The following TTPA variants were observed in gnomAD, a reference collection of about 807,000 sequenced individuals.
The protein encoded by TTPA is alpha tocopherol transfer protein.
Under a neutral mutation model 25.9 loss-of-function variants are expected in TTPA, and 23 were observed. The ratio of observed to expected loss-of-function variants is 0.89; its 90% CI spans 0.64 to 1.26. The LOEUF (loss-of-function observed/expected upper bound fraction) is 1.26, where lower values mean the gene tolerates loss of function less well. Ranked by LOEUF, TTPA falls within the 50% of genes most tolerant of loss-of-function variation. The probability of loss-of-function intolerance (pLI) is 0.00; values close to 1 mark genes in which losing one functional copy is unlikely to be tolerated. For synonymous variants in TTPA, 148 were observed against 137.3 expected, an observed-to-expected ratio of 1.08 and a Z score of -0.54; for missense variants, 337 against 353.1, an observed-to-expected ratio of 0.95 and a Z score of 0.37.
At position 63,060,657 on chromosome 8, in the gene TTPA, G is replaced by C. The variant is rs760669854; in HGVS notation, c.*595C>G. 38 of 144,080 alleles carry C rather than the reference G, an allele frequency of 2.6e-4. No homozygotes were observed. The highest frequency in any genetic ancestry group is 5.1e-4 in the Non-Finnish European group (35 of 68,880). 8.9% of individuals were successfully genotyped at this position (144,080 alleles called of 1,614,324 possible). A position where few individuals can be genotyped will look rare whatever the true frequency, so the allele number is the denominator to read the frequency against. Reference sequence around the variant, plus strand: ...CTACTGCACTCTAGCCTGGGCGACAGAGCAAGACTCTGTCTGAAAAAAAAA... The same window carrying C: ...CTACTGCACTCTAGCCTGGGCGACACAGCAAGACTCTGTCTGAAAAAAAAA... On this transcript the variant is annotated 3_prime_UTR_variant, in exon 5 of 5. Transcript: ENST00000260116.
intron 2 of TTPA, among the ~76,000 whole-genome samples, chr8:63,070,834 G>A (rs1563362775): frequency 6.6e-6 from 1 of 152,148 alleles, no homozygotes; most frequent in Admixed American, 6.5e-5. Flanking sequence ...ATAATTAGCT[G>A]CAGGTTTCAG....
At chr8:63,058,577 T>C (rs1563677115), downstream of TTPA, among the ~76,000 whole-genome samples, 1 of 152,220 alleles carries the variant, frequency 6.6e-6, no homozygotes, top group South Asian at 2.1e-4. Flanking sequence ...TGACACTTTA[T>C]TAATTTGACC....
In TTPA at chr8:63,082,394, G is replaced by A. The variant is rs1485672787; in HGVS notation, c.204+3424C>T. On this transcript the variant is annotated intron_variant, in intron 1 of 4. Coordinates refer to ENST00000260116, the MANE Select transcript of TTPA (RefSeq NM_000370.3). The stretch of plus-strand genomic sequence containing the variant: ...CTGACAAAAACAAAAAATGGGGAAA[G>A]GATTCCCTATTTAATAAATGGCGCT... 3.9e-5 allele frequency among the ~76,000 whole-genome samples: 6 copies of A among 152,136 alleles called. No homozygotes were observed. The South Asian group carries it at 8.3e-4, about 21-fold the overall frequency.
chr8:63,069,074 G>T (rs751401157), intron 2 of TTPA, among the ~76,000 whole-genome samples: 6 of 152,056 alleles, frequency 3.9e-5, no homozygotes, highest in Admixed American at 6.5e-5. Context: ...AGAATCGCTT[G>T]AACTCGGGAG....
chr8:63,079,096 T>C lies in TTPA; in HGVS notation c.205-6008A>G, dbSNP rs533864479. On this transcript the variant is annotated intron_variant, in intron 1 of 4. Transcript: ENST00000260116. ...TCATATCCAGCCAAACTAAGCTTCATAAGTGAAGGAGAAATAAAATTCTTT... is the reference window on the plus strand; with the variant it reads ...TCATATCCAGCCAAACTAAGCTTCACAAGTGAAGGAGAAATAAAATTCTTT... Among the ~76,000 whole-genome samples, 46 of 152,246 alleles carry C rather than the reference T, an allele frequency of 3.0e-4. No individual in the cohort carries two copies. In the East Asian group the frequency reaches 8.3e-3, roughly 27 times the overall value.
intron 2 of TTPA, among the ~76,000 whole-genome samples, chr8:63,066,913 C>T (rs1805399719): frequency 6.6e-6 from 1 of 152,000 alleles, no homozygotes. Context: ...CACTAAAAAA[C>T]ATAATAGAAG....
At chr8:63,083,245 C>T (rs1234182532) in intron 1 of TTPA, among the ~76,000 whole-genome samples, 1 of 152,186 alleles carries the variant, frequency 6.6e-6, no homozygotes, top group Non-Finnish European at 1.5e-5. Flanking sequence ...CCCAAATGTC[C>T]ATCAATGATA....
downstream of TTPA, among the ~76,000 whole-genome samples, chr8:63,058,931 CTTTT>C (rs1163020264): frequency 8.0e-6 from 1 of 125,702 alleles, no homozygotes; most frequent in Admixed American, 7.7e-5. Context: ...TGATTTTGTT[CTTTT>C]ATTATTTTTA....
rs961985506 is a variant in TTPA at position 63,063,054 on chromosome 8, G to A, written c.663+1152C>T. On this transcript the variant is annotated intron_variant, in intron 4 of 4. Transcript: ENST00000260116. ...TCTAGGGTCATAACTTTCTGACCAG[G>A]TATAAGATGTTATATTTTCTTAATA... 7.6e-4 allele frequency among the ~76,000 whole-genome samples: 115 copies of A among 152,132 alleles called. 5 individuals are homozygous for A. The highest frequency in any genetic ancestry group is 4.4e-5 in the Non-Finnish European group (3 of 68,006).
intron 1 of TTPA, among the ~76,000 whole-genome samples, chr8:63,076,653 T>G (rs1374438474): frequency 1.3e-5 from 2 of 152,206 alleles, no homozygotes; most frequent in Non-Finnish European, 2.9e-5. Flanking sequence ...TTTATTTTTC[T>G]ATTTAAACAT....
At chr8:63,075,710 A>G (rs1295146992) in intron 1 of TTPA, among the ~76,000 whole-genome samples, 1 of 151,300 alleles carries the variant, frequency 6.6e-6, no homozygotes, top group African/African-American at 2.4e-5. Context: ...AAAAAAAAAA[A>G]AAAAAAAAAA....
chr8:63,062,898 A>C (rs1466299428), intron 4 of TTPA, among the ~76,000 whole-genome samples: 1 of 152,204 alleles, frequency 6.6e-6, no homozygotes, highest in East Asian at 1.9e-4. Context: ...AAAATGAACA[A>C]ACAAAATTGA....
In TTPA at chr8:63,086,032, G is replaced by C. The variant is rs1322296784; in HGVS notation, c.-11C>G. ...TCGCGCCTCTGCCATGCCCGCCGCC[G>C]CTGCTGCGGCCGCAGCTACCCGGGC... On this transcript the variant is annotated 5_prime_UTR_variant, in exon 1 of 5. Coordinates refer to ENST00000260116, the MANE Select transcript of TTPA (RefSeq NM_000370.3). 7.1e-7 allele frequency: 1 copy of C among 1,406,730 alleles called. No homozygotes were observed. The highest frequency in any genetic ancestry group is 1.5e-5 in the South Asian group (1 of 66,794). 87.1% of individuals were successfully genotyped at this position (1,406,730 alleles called of 1,614,324 possible).
intron 4 of TTPA, among the ~76,000 whole-genome samples, chr8:63,063,387 G>C (rs1805339359): frequency 6.6e-6 from 1 of 152,112 alleles, no homozygotes; most frequent in Non-Finnish European, 1.5e-5. Context: ...AAAAAATCCA[G>C]TATCTTTGCT....
At position 63,061,394 on chromosome 8, in the gene TTPA, C is replaced by T; in HGVS notation, c.695G>A (p.Ser232Asn). The T allele has an allele frequency of 6.2e-7, 1 of 1,613,980 alleles. No individual in the cohort carries two copies. The highest frequency in any genetic ancestry group is 8.5e-7 in the Non-Finnish European group (1 of 1,179,944). The change falls in exon 5 of 5, where the codon AGC (serine) becomes AAC (asparagine). Residue 232 changes from serine (S) to asparagine (N), a missense_variant. Transcript: ENST00000260116. ...IHMHGNNYKQ[S>N]LLQHFPDILP... ...AATGTCTGGGAAATGCTGAAGCAAGCTTTGTTTGTAGTTGTTCCCATGCAT... is the reference window on the plus strand; with the variant it reads ...AATGTCTGGGAAATGCTGAAGCAAGTTTTGTTTGTAGTTGTTCCCATGCAT...
chr8:63,061,351 A>G lies in TTPA; in HGVS notation c.738T>C (p.Gly246=), dbSNP rs537647819. The G allele has an allele frequency of 1.2e-6, 2 of 1,613,966 alleles. No homozygotes were observed. Among genetic ancestry groups the G allele is most frequent in the South Asian group, 2.2e-5 (2 of 91,074 alleles). Residue 246 remains glycine (G), a synonymous_variant, in exon 5 of 5, where the codon GGT becomes GGC. Coordinates refer to ENST00000260116, the MANE Select transcript of TTPA (RefSeq NM_000370.3). ...HFPDILPLEY[G]GEEFSMEDIC... ...TGTCCTCCATGGAGAATTCTTCACC[A>G]CCATATTCCAGAGGAAGAATGTCTG...
At chr8:63,076,468 T>C (rs1450372636) in intron 1 of TTPA, among the ~76,000 whole-genome samples, 1 of 152,136 alleles carries the variant, frequency 6.6e-6, no homozygotes, top group Non-Finnish European at 1.5e-5. Context: ...CCTTTTCCTT[T>C]CCAGTTGGCA....
chr8:63,082,447 A>G (rs997069809), intron 1 of TTPA, among the ~76,000 whole-genome samples: 1 of 152,232 alleles, frequency 6.6e-6, no homozygotes, highest in South Asian at 2.1e-4. Flanking sequence ...ATATGTAGAA[A>G]GCTGAAACTG....
chr8:63,078,157 T>A (rs1025280339), intron 1 of TTPA, among the ~76,000 whole-genome samples: 3 of 151,864 alleles, frequency 2.0e-5, no homozygotes, highest in South Asian at 2.1e-4. Context: ...AAAAAGAACA[T>A]CCACACCAAA....
Sources: allele counts gnomAD v4.1 joint callset (sites outside exome capture counted in the v4.1 genomes callset), GRCh38; gene constraint gnomAD v4.1.1; transcripts MANE v1.5; gene names NCBI Gene and HGNC (gene_info 2026-07-23, HGNC 2026-07-21).